The following PAPSS2 variants were observed in gnomAD, a reference collection of about 807,000 sequenced individuals.
PAPSS2 encodes 3'-phosphoadenosine 5'-phosphosulfate synthase 2.
Under a neutral mutation model 66.5 loss-of-function variants are expected in PAPSS2, and 61 were observed. That is an observed-to-expected ratio of 0.92 (90% CI 0.75 to 1.14). PAPSS2 has a LOEUF of 1.14. PAPSS2 is among the 50% of genes most tolerant of loss of function. PAPSS2 has a pLI of 0.00. For missense variants in PAPSS2, 708 were observed against 789.6 expected (o/e 0.90, Z 1.24); for synonymous variants, 289 against 287.5 (o/e 1.01, Z -0.05).
At chr10:87,745,763 C>A in intron 12 of PAPSS2, 69 bp from the exon 13 acceptor site, 1 of 1,535,222 alleles carries the variant, frequency 6.5e-7, no homozygotes, top group Non-Finnish European at 9.0e-7. Context: ...AAACCATAAC[C>A]TACTCCAGGA....
chr10:87,680,573 A>G (rs371211359), intron 1 of PAPSS2, among the ~76,000 whole-genome samples: 2 of 152,242 alleles, frequency 1.3e-5, no homozygotes, highest in South Asian at 2.1e-4. Context: ...TTTTTGCAGC[A>G]GTCATGACCC....
intron 2 of PAPSS2, among the ~76,000 whole-genome samples, chr10:87,712,831 C>T (rs1853479048): frequency 6.6e-6 from 1 of 152,038 alleles, no homozygotes; most frequent in Non-Finnish European, 1.5e-5. Context: ...ACATGTAGCC[C>T]CCAAATCTCC....
intron 1 of PAPSS2, among the ~76,000 whole-genome samples, chr10:87,691,413 A>G (rs1370329236): frequency 2.0e-5 from 3 of 152,004 alleles, no homozygotes; most frequent in African/African-American, 7.3e-5. Flanking sequence ...GCAAAAATCC[A>G]TATTTAACCT....
At chr10:87,745,283 T>G (rs1853923993) in intron 12 of PAPSS2, 52 bp downstream of exon 12, 5 of 1,441,244 alleles carry the variant, frequency 3.5e-6, no homozygotes, top group Non-Finnish European at 1.9e-6. Flanking sequence ...AAAGAAATGA[T>G]GAGGCAGAAT....
At chr10:87,717,541 A>G (rs1853546587) in intron 7 of PAPSS2, among the ~76,000 whole-genome samples, 1 of 152,086 alleles carries the variant, frequency 6.6e-6, no homozygotes, top group African/African-American at 2.4e-5. Context: ...ATAGCTTTTG[A>G]TAGATTCTGT....
chr10:87,701,229 TTTTC>T (rs1366922576), intron 1 of PAPSS2, among the ~76,000 whole-genome samples: 1 of 109,616 alleles, frequency 9.1e-6, no homozygotes, highest in African/African-American at 4.8e-5. Flanking sequence ...TATATAATAA[TTTTC>T]TTTCTTTTTT....
chr10:87,722,850 T>C (rs749128490), intron 8 of PAPSS2, among the ~76,000 whole-genome samples: 2 of 152,234 alleles, frequency 1.3e-5, no homozygotes, highest in Non-Finnish European at 2.9e-5. Flanking sequence ...ATAAGATCAG[T>C]TGGCATTATT....
intron 2 of PAPSS2, among the ~76,000 whole-genome samples, 171 bp from the exon 3 acceptor site, chr10:87,712,904 C>T (rs1427745025): frequency 1.3e-5 from 2 of 151,642 alleles, no homozygotes; most frequent in African/African-American, 4.8e-5. Flanking sequence ...ATAGTTATTT[C>T]AAAATTTGAG....
At chr10:87,734,714 T>C (rs1853776376) in intron 9 of PAPSS2, among the ~76,000 whole-genome samples, 1 of 141,888 alleles carries the variant, frequency 7.0e-6, no homozygotes, top group Non-Finnish European at 1.5e-5. Flanking sequence ...TATGTATGTA[T>C]TCTCCTCTTG....
intron 1 of PAPSS2, among the ~76,000 whole-genome samples, chr10:87,703,268 C>T (rs1853340613): frequency 7.2e-6 from 1 of 139,642 alleles, no homozygotes; most frequent in African/African-American, 2.9e-5. Context: ...ATAATGACAA[C>T]AACATTGCGT....
At chr10:87,701,540 C>T (rs1014191929) in intron 1 of PAPSS2, among the ~76,000 whole-genome samples, 1 of 151,712 alleles carries the variant, frequency 6.6e-6, no homozygotes, top group Non-Finnish European at 1.5e-5. Flanking sequence ...CCTCCCACCT[C>T]AGTTCCCTGC....
intron 1 of PAPSS2, among the ~76,000 whole-genome samples, chr10:87,705,683 G>A (rs1240657186): frequency 1.3e-5 from 2 of 151,986 alleles, no homozygotes; most frequent in African/African-American, 4.8e-5. Context: ...CCTTTGTAAA[G>A]TGACTGTTCA....
intron 1 of PAPSS2, among the ~76,000 whole-genome samples, chr10:87,687,141 T>C (rs1036755912): frequency 2.0e-4 from 30 of 152,192 alleles, no homozygotes; most frequent in African/African-American, 7.0e-4. Context: ...GCATGATGGT[T>C]AGAGTCAGAG....
Position 87,713,298 on chromosome 10 carries a change from T to G in PAPSS2, c.369T>G (p.Ser123=). ...AGLVCITSFI[S]PFAKDRENAR... Reference sequence around the variant, plus strand: ...TGGTCTGCATTACCAGCTTTATTTCTCCATTCGCAAAGGTAAAAAAAAAAA... The same window carrying G: ...TGGTCTGCATTACCAGCTTTATTTCGCCATTCGCAAAGGTAAAAAAAAAAA... The change falls in exon 3 of 13, where the codon TCT becomes TCG. Residue 123 remains serine (S), a synonymous_variant. Transcript: ENST00000456849. 3.9e-6 allele frequency: 4 copies of G among 1,029,692 alleles called. No individual in the cohort carries two copies. The highest frequency in any genetic ancestry group is 4.1e-6 in the Non-Finnish European group (3 of 733,090). 63.8% of individuals were successfully genotyped at this position (1,029,692 alleles called of 1,614,324 possible). A position where few individuals can be genotyped will look rare whatever the true frequency, so the allele number is the denominator to read the frequency against.
In PAPSS2 at chr10:87,676,872, C is replaced by CAAAA. The variant is rs71019493; in HGVS notation, c.27+16900_27+16903dup. Among the ~76,000 whole-genome samples the CAAAA allele has an allele frequency of 9.9e-4, 31 of 31,368 alleles. 9 individuals carry two copies. The highest frequency in any genetic ancestry group is 4.3e-3 in the East Asian group (4 of 932). 20.6% of individuals were successfully genotyped at this position (31,368 alleles called of 152,430 possible). On this transcript the variant is annotated intron_variant, in intron 1 of 12. Transcript: ENST00000456849. The stretch of plus-strand genomic sequence containing the variant: ...TGGATGACAGAATGAGACCCTGTCT[C>CAAAA]AAAAAAAAAAAAAAAAAAAAAAAAA...
At chr10:87,702,361 A>G (rs895639843) in intron 1 of PAPSS2, among the ~76,000 whole-genome samples, 7 of 152,204 alleles carry the variant, frequency 4.6e-5, no homozygotes, top group Non-Finnish European at 8.8e-5. Context: ...AGTAGTTTTC[A>G]GATCTGTAAA....
intron 1 of PAPSS2, among the ~76,000 whole-genome samples, chr10:87,698,097 C>T (rs1225079379): frequency 6.6e-6 from 1 of 152,152 alleles, no homozygotes; most frequent in Non-Finnish European, 1.5e-5. Context: ...AGTATGACCT[C>T]CATCTGTTTT....
At position 87,747,026 on chromosome 10, in the gene PAPSS2, C is replaced by T. The variant is rs1853950065; in HGVS notation, c.*1056C>T. 6.6e-6 allele frequency: 1 copy of T among 152,122 alleles called. No individual in the cohort carries two copies. Among genetic ancestry groups the T allele is most frequent in the South Asian group, 2.1e-4 (1 of 4,828 alleles). The allele number at this position is 152,122 out of a possible 1,614,324, so 9.4% of individuals were successfully genotyped here. A position where few individuals can be genotyped will look rare whatever the true frequency, so the allele number is the denominator to read the frequency against. ...AAGAAGCACCCAGGCCACTTGACTC[C>T]CAGTCTGGTGCCCTGTCTACACCAG... On this transcript the variant is annotated 3_prime_UTR_variant, in exon 13 of 13. Transcript: ENST00000456849.
intron 1 of PAPSS2, among the ~76,000 whole-genome samples, chr10:87,706,378 G>A (rs1043015067): frequency 6.6e-6 from 1 of 151,288 alleles, no homozygotes. Flanking sequence ...GAACTTAATG[G>A]CATTAATTAA....
Sources: allele counts gnomAD v4.1 joint callset (sites outside exome capture counted in the v4.1 genomes callset), GRCh38; gene constraint gnomAD v4.1.1; transcripts MANE v1.5; gene names NCBI Gene and HGNC (gene_info 2026-07-23, HGNC 2026-07-21).